The following SLC27A2 variants were observed in gnomAD, a reference collection of about 807,000 sequenced individuals.
SLC27A2 encodes solute carrier family 27 member 2.
SLC27A2 carries 54 observed loss-of-function variants against 60.0 expected under a neutral mutation model. The ratio of observed to expected loss-of-function variants is 0.90; its 90% CI spans 0.72 to 1.13. The LOEUF is 1.13. Among genes scored for constraint, SLC27A2 ranks in the 50% most tolerant of loss-of-function variants. The probability of loss-of-function intolerance (pLI) is 0.00; values close to 1 mark genes in which losing one functional copy is unlikely to be tolerated. For synonymous variants in SLC27A2, 297 were observed against 297.6 expected (o/e 1.00, Z 0.02); for missense variants, 739 against 777.6 (o/e 0.95, Z 0.59).
intron 5 of SLC27A2, among the ~76,000 whole-genome samples, chr15:50,225,599 G>A (rs1270382953): frequency 1.3e-5 from 2 of 152,076 alleles, no homozygotes; most frequent in Admixed American, 1.3e-4. Context: ...CCATTAACAG[G>A]AAAATAGATA....
intron 4 of SLC27A2, among the ~76,000 whole-genome samples, 164 bp from the exon 5 acceptor site, chr15:50,222,801 C>A (rs1400520359): frequency 6.6e-6 from 1 of 151,896 alleles, no homozygotes; most frequent in Non-Finnish European, 1.5e-5. Context: ...GTGTGGGTGG[C>A]AGGAAAAAGG....
Position 50,182,693 on chromosome 15 carries a change from A to G in SLC27A2, c.266A>G (p.Asn89Ser), listed in dbSNP as rs775066404. 1.2e-6 allele frequency: 2 copies of G among 1,613,888 alleles called. No homozygotes were observed. Among genetic ancestry groups the G allele is most frequent in the Non-Finnish European group, 1.7e-6 (2 of 1,179,904 alleles). Reference sequence around the variant, plus strand: ...TACGCGCAGGTGGACCGGCGCAGCAATCAAGTGGCCCGGGCGCTGCACGAC... The same window carrying G: ...TACGCGCAGGTGGACCGGCGCAGCAGTCAAGTGGCCCGGGCGCTGCACGAC... ...LTYAQVDRRS[N>S]QVARALHDHL... The change falls in exon 1 of 10, where the codon AAT (asparagine) becomes AGT (serine). Residue 89 changes from asparagine to serine, a missense_variant. Physicochemically the swap from Asn to Ser is conservative, Grantham distance 46. Transcript: ENST00000267842.
chr15:50,217,676 A>C (rs1345515868), intron 4 of SLC27A2, among the ~76,000 whole-genome samples: 1 of 152,012 alleles, frequency 6.6e-6, no homozygotes, highest in African/African-American at 2.4e-5. Flanking sequence ...ATTACTCTTA[A>C]ATCTGAACAA....
At position 50,182,377 on chromosome 15, in the gene SLC27A2, G is replaced by T; in HGVS notation, c.-51G>T. 5 of 1,469,906 alleles carry T rather than the reference G, an allele frequency of 3.4e-6. No homozygotes were observed. The African/African-American group carries it at 5.8e-5, about 17-fold the overall frequency. 91.1% of individuals were successfully genotyped at this position (1,469,906 alleles called of 1,614,324 possible). A position where few individuals can be genotyped will look rare whatever the true frequency, so the allele number is the denominator to read the frequency against. On this transcript the variant is annotated 5_prime_UTR_variant, in exon 1 of 10. Transcript: ENST00000267842. The stretch of plus-strand genomic sequence containing the variant: ...AGCCCGCCCAGTCGCCGCGCTGCAC[G>T]CCCGGGGTGAACCCTCTGCCCTCGC...
intron 8 of SLC27A2, among the ~76,000 whole-genome samples, chr15:50,230,661 G>A (rs540413329): frequency 6.6e-6 from 1 of 152,172 alleles, no homozygotes; most frequent in Non-Finnish European, 1.5e-5. Flanking sequence ...ATGGAAGGGG[G>A]TGTGAATACT....
intron 6 of SLC27A2, among the ~76,000 whole-genome samples, chr15:50,226,500 G>A (rs1037289644): frequency 6.6e-6 from 1 of 152,196 alleles, no homozygotes; most frequent in Non-Finnish European, 1.5e-5. Flanking sequence ...GGGAGGTTGA[G>A]GAAGGCTGAT....
chr15:50,187,591 C>T (rs1395896792), intron 1 of SLC27A2, among the ~76,000 whole-genome samples: 1 of 152,150 alleles, frequency 6.6e-6, no homozygotes, highest in Admixed American at 6.5e-5. Context: ...TAACTCAACA[C>T]AGCCATGCGA....
chr15:50,196,062 A>ATAAAAT lies in SLC27A2; in HGVS notation c.479-1438_479-1437insTAAAAT, dbSNP rs1567428286. 1.1e-4 allele frequency among the ~76,000 whole-genome samples: 2 copies of ATAAAAT among 18,076 alleles called. 1 individual carries two copies. The highest frequency in any genetic ancestry group is 3.1e-3 in the East Asian group (2 of 646). The allele number at this position is 18,076 out of a possible 152,430, so 11.9% of individuals were successfully genotyped here. On this transcript the variant is annotated intron_variant, in intron 1 of 9. Coordinates refer to ENST00000267842, the MANE Select transcript of SLC27A2 (RefSeq NM_003645.4). ...GAGCCAGACTCTGTCTCAAAAAAAA[A>ATAAAAT]AAAAAAAAAAAAAAAATATATATAT...
At chr15:50,195,665 T>C (rs2045008350) in intron 1 of SLC27A2, among the ~76,000 whole-genome samples, 1 of 152,010 alleles carries the variant, frequency 6.6e-6, no homozygotes, top group African/African-American at 2.4e-5. Flanking sequence ...TTTTTTAAAT[T>C]TTAAATGCAT....
intron 3 of SLC27A2, among the ~76,000 whole-genome samples, chr15:50,204,465 G>A (rs1183449563): frequency 1.3e-5 from 2 of 151,552 alleles, no homozygotes; most frequent in East Asian, 3.9e-4. Context: ...CAGGTACGGT[G>A]GCTCACGCCT....
At chr15:50,194,088 G>A (rs1340143419) in intron 1 of SLC27A2, among the ~76,000 whole-genome samples, 1 of 152,140 alleles carries the variant, frequency 6.6e-6, no homozygotes, top group East Asian at 1.9e-4. Flanking sequence ...TGACGCTGCA[G>A]TAAGCCATGA....
chr15:50,186,239 G>C (rs1410508447), intron 1 of SLC27A2, among the ~76,000 whole-genome samples: 1 of 151,998 alleles, frequency 6.6e-6, no homozygotes, highest in African/African-American at 2.4e-5. Context: ...GTGAGACCCT[G>C]TCTCAAAACA....
At chr15:50,214,456 C>T (rs1056951462) in intron 4 of SLC27A2, among the ~76,000 whole-genome samples, 2 of 152,108 alleles carry the variant, frequency 1.3e-5, no homozygotes, top group African/African-American at 4.8e-5. Context: ...GGAACCCTCC[C>T]TAATTCATTC....
At chr15:50,234,458 A>T (rs1003238883) in intron 9 of SLC27A2, among the ~76,000 whole-genome samples, 1 of 151,878 alleles carries the variant, frequency 6.6e-6, no homozygotes, top group Non-Finnish European at 1.5e-5. Flanking sequence ...GTGGTAGTGC[A>T]TGCCTGTAGC....
At chr15:50,210,034 T>G (rs2045142659) in intron 4 of SLC27A2, among the ~76,000 whole-genome samples, 1 of 152,146 alleles carries the variant, frequency 6.6e-6, no homozygotes, top group Admixed American at 6.5e-5. Flanking sequence ...GCTGAGAAAT[T>G]GCAGGCTTTG....
At chr15:50,207,661 G>A (rs770292224) in intron 4 of SLC27A2, among the ~76,000 whole-genome samples, 7 of 151,768 alleles carry the variant, frequency 4.6e-5, no homozygotes, top group Non-Finnish European at 8.8e-5. Context: ...TTGTTGGCAC[G>A]TGCCTGTAAT....
At chr15:50,211,479 C>T (rs866040473) in intron 4 of SLC27A2, among the ~76,000 whole-genome samples, 5 of 152,124 alleles carry the variant, frequency 3.3e-5, no homozygotes, top group Non-Finnish European at 5.9e-5. Flanking sequence ...TTCTGAACAA[C>T]ACCCTTCAGC....
At chr15:50,197,074 C>T (rs1023382605) in intron 1 of SLC27A2, among the ~76,000 whole-genome samples, 2 of 152,188 alleles carry the variant, frequency 1.3e-5, no homozygotes, top group African/African-American at 2.4e-5. Context: ...TATTGGTTTG[C>T]ACTTGCCACA....
At position 50,205,257 on chromosome 15, in the gene SLC27A2, G is replaced by A. The variant is rs748482350; in HGVS notation, c.866G>A (p.Arg289Gln). 3.2e-5 allele frequency: 52 copies of A among 1,607,254 alleles called. No homozygotes were observed. The highest frequency in any genetic ancestry group is 3.2e-4 in the South Asian group (29 of 89,870). Residue 289 changes from arginine to glutamine, a missense_variant, in exon 4 of 10, where the codon CGG becomes CAG. Physicochemically the swap from Arg to Gln is conservative, Grantham distance 43. Transcript: ENST00000267842. ...CIVAGATLAL[R>Q]TKFSASQFWD... Reference sequence around the variant, plus strand: ...TCTGTAGGTGCTACTCTTGCCTTGCGGACTAAATTTTCAGCCAGCCAGTTT... The same window carrying A: ...TCTGTAGGTGCTACTCTTGCCTTGCAGACTAAATTTTCAGCCAGCCAGTTT...
Sources: allele counts gnomAD v4.1 joint callset (sites outside exome capture counted in the v4.1 genomes callset), GRCh38; gene constraint gnomAD v4.1.1; transcripts MANE v1.5; gene names NCBI Gene and HGNC (gene_info 2026-07-23, HGNC 2026-07-21).